COQ9: variants seen among roughly 807,000 people sequenced by gnomAD.
COQ9 encodes ubiquinone biosynthesis protein COQ9, mitochondrial.
COQ9 carries 35 observed loss-of-function variants against 42.4 expected under a neutral mutation model. That is an observed-to-expected ratio of 0.83 (90% CI 0.63 to 1.10). COQ9 has a LOEUF of 1.10. Ranked by LOEUF, COQ9 falls within the 50% of genes least tolerant of loss-of-function variation. The pLI is 0.00. For missense variants in COQ9, 406 were observed against 414.6 expected, an observed-to-expected ratio of 0.98 and a Z score of 0.18; for synonymous variants, 155 against 155.1, an observed-to-expected ratio of 1.00 and a Z score of 0.00.
intron 4 of COQ9, 103 bp downstream of exon 4, chr16:57,456,749 A>G: frequency 6.9e-7 from 1 of 1,450,808 alleles, no homozygotes; most frequent in East Asian, 2.4e-5. Context: ...ACCCAAAGAG[A>G]GCAGCATTGG....
chr16:57,461,014 C>G lies in COQ9; in HGVS notation c.*390C>G, dbSNP rs1043983387. 1 of 365,116 alleles carries G rather than the reference C, an allele frequency of 2.7e-6. No homozygotes were observed. The highest frequency in any genetic ancestry group is 2.0e-5 in the South Asian group (1 of 48,814). 22.6% of individuals were successfully genotyped at this position (365,116 alleles called of 1,614,324 possible). A position where few individuals can be genotyped will look rare whatever the true frequency, so the allele number is the denominator to read the frequency against. ...CTCCCAAGCCAGAGTCAAGGTCTGA[C>G]GCCACCTCAAGGTGACAGCTCATCT... On this transcript the variant is annotated 3_prime_UTR_variant, in exon 9 of 9. Transcript: ENST00000262507.
At position 57,452,828 on chromosome 16, in the gene COQ9, G is replaced by T. The variant is rs1182521406; in HGVS notation, c.270G>T (p.Glu90Asp). The change falls in exon 3 of 9, where the codon GAG becomes GAT. Residue 90 changes from glutamate (E) to aspartate (D), a missense_variant. Physicochemically the swap from Glu to Asp is conservative, Grantham distance 45. Transcript: ENST00000262507. ...ATACAGACCAGGGCGGCGAGGAGGA[G>T]GAGGACTATGAAAGTGAGGAGCAGT... is the stretch of plus-strand genomic sequence containing the variant. ...PRYTDQGGEE[E>D]EDYESEEQLQ... 1 of 1,613,530 alleles carries T rather than the reference G, an allele frequency of 6.2e-7. No homozygotes were observed. Among genetic ancestry groups the T allele is most frequent in the East Asian group, 2.2e-5 (1 of 44,892 alleles).
At chr16:57,450,200 G>GGT (rs1336446721) in intron 1 of COQ9, among the ~76,000 whole-genome samples, 22 of 152,118 alleles carry the variant, frequency 1.4e-4, no homozygotes, top group Non-Finnish European at 1.3e-4. Flanking sequence ...GATCACTTGA[G>GGT]GTCAGGAGTT....
chr16:57,459,581 G>T lies in COQ9; in HGVS notation c.728G>T (p.Arg243Leu). The T allele has an allele frequency of 1.2e-6, 2 of 1,614,080 alleles. No individual in the cohort carries two copies. The highest frequency in any genetic ancestry group is 1.7e-6 in the Non-Finnish European group (2 of 1,180,024). The change falls in exon 7 of 9, where the codon CGC becomes CTC. Residue 243 changes from arginine to leucine, a missense_variant. Transcript: ENST00000262507. ...DQSTDFNWYT[R>L]RAMLAAIYNT... Reference sequence around the variant, plus strand: ...TCTTTACAGTTTAACTGGTACACCCGCCGAGCCATGCTGGCTGCCATCTAC... The same window carrying T: ...TCTTTACAGTTTAACTGGTACACCCTCCGAGCCATGCTGGCTGCCATCTAC...
chr16:57,455,131 A>G (rs540776194), intron 3 of COQ9, among the ~76,000 whole-genome samples: 9 of 152,192 alleles, frequency 5.9e-5, no homozygotes, highest in African/African-American at 2.2e-4. Flanking sequence ...TAGCTTGGAC[A>G]TGGGAGAGAG....
In COQ9 at chr16:57,460,985, G is replaced by A. The variant is rs1173269757; in HGVS notation, c.*361G>A. On this transcript the variant is annotated 3_prime_UTR_variant, in exon 9 of 9. Coordinates refer to ENST00000262507, the MANE Select transcript of COQ9 (RefSeq NM_020312.4). Reference sequence around the variant, plus strand: ...CATGTCTTAACCTTCCCTTAACCTTGGGGCTCCCAAGCCAGAGTCAAGGTC... The same window carrying A: ...CATGTCTTAACCTTCCCTTAACCTTAGGGCTCCCAAGCCAGAGTCAAGGTC... 7 of 362,844 alleles carry A rather than the reference G, an allele frequency of 1.9e-5. No individual in the cohort carries two copies. The highest frequency in any genetic ancestry group is 3.2e-5 in the Non-Finnish European group (6 of 185,640). The allele number at this position is 362,844 out of a possible 1,614,324, so 22.5% of individuals were successfully genotyped here.
chr16:57,461,002 G>A lies in COQ9; in HGVS notation c.*378G>A, dbSNP rs190372643. ...TTAACCTTGGGGCTCCCAAGCCAGAGTCAAGGTCTGACGCCACCTCAAGGT... is the reference window on the plus strand; with the variant it reads ...TTAACCTTGGGGCTCCCAAGCCAGAATCAAGGTCTGACGCCACCTCAAGGT... On this transcript the variant is annotated 3_prime_UTR_variant, in exon 9 of 9. Transcript: ENST00000262507. The A allele has an allele frequency of 2.1e-4, 76 of 363,142 alleles. No homozygotes were observed. Among genetic ancestry groups the A allele is most frequent in the Non-Finnish European group, 3.0e-4 (56 of 184,910 alleles). The allele number at this position is 363,142 out of a possible 1,614,324, so 22.5% of individuals were successfully genotyped here. A position where few individuals can be genotyped will look rare whatever the true frequency, so the allele number is the denominator to read the frequency against.
Position 57,451,059 on chromosome 16 carries a change from C to G in COQ9, c.93C>G (p.Ala31=). The stretch of plus-strand genomic sequence containing the variant: ...TTTCAGTGGCCCGTTGCCGACAAGC[C>G]CTGGTGCCGCGTGCCTTCCATGCTT... ...RCLPVARCRQ[A]LVPRAFHASA... is the part of the protein sequence containing the mutation. Residue 31 remains alanine, a synonymous_variant, in exon 2 of 9, where the codon GCC becomes GCG. Transcript: ENST00000262507. The G allele has an allele frequency of 6.2e-7, 1 of 1,614,090 alleles. No homozygotes were observed. The highest frequency in any genetic ancestry group is 8.5e-7 in the Non-Finnish European group (1 of 1,180,026).
intron 1 of COQ9, among the ~76,000 whole-genome samples, chr16:57,448,777 C>T (rs368283670): frequency 2.0e-5 from 3 of 151,582 alleles, no homozygotes; most frequent in African/African-American, 7.3e-5. Flanking sequence ...TCTATGACCC[C>T]GCAAATCCAC....
intron 5 of COQ9, 193 bp from the exon 6 acceptor site, chr16:57,458,053 T>C (rs1032551837): frequency 4.8e-6 from 3 of 626,552 alleles, no homozygotes; most frequent in South Asian, 1.7e-5. Context: ...AAGACGGGGC[T>C]ATGCCCCTGG....
intron 3 of COQ9, 187 bp downstream of exon 3, chr16:57,453,123 A>G (rs1208814005): frequency 5.6e-6 from 4 of 708,020 alleles, no homozygotes; most frequent in African/African-American, 5.3e-5. Flanking sequence ...AGAACATACC[A>G]TGGAGTTGGT....
chr16:57,459,641 C>T lies in COQ9; in HGVS notation c.788C>T (p.Ser263Phe). 2 of 1,614,152 alleles carry T rather than the reference C, an allele frequency of 1.2e-6. No homozygotes were observed. Among genetic ancestry groups the T allele is most frequent in the Non-Finnish European group, 1.7e-6 (2 of 1,179,988 alleles). ...TTELVMMQDS[S>F]PDFEDTWRFL... ...GAGCTGGTGATGATGCAGGACTCCT[C>T]TCCAGACTTTGAGGACACTTGGCGC... The change falls in exon 7 of 9, where the codon TCT becomes TTT. Residue 263 changes from serine (S) to phenylalanine (F), a missense_variant. Coordinates refer to ENST00000262507, the MANE Select transcript of COQ9 (RefSeq NM_020312.4).
intron 3 of COQ9, among the ~76,000 whole-genome samples, chr16:57,455,137 G>A (rs777869727): frequency 6.6e-6 from 1 of 152,066 alleles, no homozygotes; most frequent in Non-Finnish European, 1.5e-5. Context: ...GGACATGGGA[G>A]AGAGTGACAG....
Position 57,460,879 on chromosome 16 carries a change from T to C in COQ9, c.*255T>C, listed in dbSNP as rs1231151660. On this transcript the variant is annotated 3_prime_UTR_variant, in exon 9 of 9. Transcript: ENST00000262507. ...GCCTTTCTGCACTGCAACTGTGTGA[T>C]TGAAAAATGAGATGTTCATCCAAGC... The C allele has an allele frequency of 4.0e-6, 2 of 500,410 alleles. No homozygotes were observed. The highest frequency in any genetic ancestry group is 7.3e-5 in the East Asian group (2 of 27,376). 31.0% of individuals were successfully genotyped at this position (500,410 alleles called of 1,614,324 possible). A position where few individuals can be genotyped will look rare whatever the true frequency, so the allele number is the denominator to read the frequency against.
chr16:57,460,618 T>C lies in COQ9; in HGVS notation c.951T>C (p.Arg317=). 6.2e-7 allele frequency: 1 copy of C among 1,614,008 alleles called. No homozygotes were observed. Among genetic ancestry groups the C allele is most frequent in the Non-Finnish European group, 8.5e-7 (1 of 1,179,862 alleles). Residue 317 remains arginine (R), a synonymous_variant, in exon 9 of 9, where the codon CGT becomes CGC. Coordinates refer to ENST00000262507, the MANE Select transcript of COQ9 (RefSeq NM_020312.4). ...AGAACTTGACAGGTCTAAACCAGCG[T>C]CGGTGAGAGGAAGGGGTATAAGCTA... is the stretch of plus-strand genomic sequence containing the variant. ...TLKNLTGLNQ[R]R
intron 2 of COQ9, among the ~76,000 whole-genome samples, 188 bp downstream of exon 2, chr16:57,451,396 T>G (rs2030285733): frequency 6.6e-6 from 1 of 152,218 alleles, no homozygotes; most frequent in Non-Finnish European, 1.5e-5. Flanking sequence ...GGTCTCAAAC[T>G]CCTAGATTTC....
chr16:57,452,379 C>T (rs1329917406), intron 2 of COQ9, among the ~76,000 whole-genome samples: 7 of 152,240 alleles, frequency 4.6e-5, no homozygotes, highest in Non-Finnish European at 8.8e-5. Flanking sequence ...CGGTGGCTCG[C>T]GCCTATAATC....
chr16:57,459,680 G>T lies in COQ9; in HGVS notation c.827G>T (p.Arg276Leu). ...GACACTTGGCGCTTCCTGGAAAACC[G>T]GGTTAATGATGCAATGAACATGGGC... ...FEDTWRFLEN[R>L]VNDAMNMGHT... The change falls in exon 7 of 9, where the codon CGG becomes CTG. Residue 276 changes from arginine (R) to leucine (L), a missense_variant. Arg to Leu is a moderately radical substitution (Grantham distance 102). Transcript: ENST00000262507. 6.2e-7 allele frequency: 1 copy of T among 1,614,164 alleles called. No individual in the cohort carries two copies. The highest frequency in any genetic ancestry group is 8.5e-7 in the Non-Finnish European group (1 of 1,180,024).
chr16:57,454,615 G>C (rs1175033202), intron 3 of COQ9, among the ~76,000 whole-genome samples: 3 of 152,180 alleles, frequency 2.0e-5, no homozygotes, highest in African/African-American at 7.2e-5. Context: ...CCATAATGAT[G>C]CCATTGCACT....
Sources: allele counts gnomAD v4.1 joint callset (sites outside exome capture counted in the v4.1 genomes callset), GRCh38; gene constraint gnomAD v4.1.1; transcripts MANE v1.5; gene names NCBI Gene and HGNC (gene_info 2026-07-23, HGNC 2026-07-21).